NT5C2: variants seen among roughly 807,000 people sequenced by gnomAD.
NT5C2 encodes 5'-nucleotidase, cytosolic II, also known as cytosolic purine 5'-nucleotidase.
Under a neutral mutation model 76.1 loss-of-function variants are expected in NT5C2, and 58 were observed. That is an observed-to-expected ratio of 0.76 (90% CI 0.62 to 0.95). The LOEUF (loss-of-function observed/expected upper bound fraction) is 0.95, where lower values mean the gene tolerates loss of function less well. Ranked by LOEUF, NT5C2 falls within the 40% of genes least tolerant of loss-of-function variation. The pLI, the probability that NT5C2 is intolerant of heterozygous loss-of-function variation, is 0.00. For synonymous variants in NT5C2, 229 were observed against 237.4 expected (o/e 0.96, Z 0.32); for missense variants, 478 against 690.3 (o/e 0.69, Z 3.45).
intron 2 of NT5C2, among the ~76,000 whole-genome samples, chr10:103,180,698 G>C (rs1348153835): frequency 1.3e-5 from 2 of 152,050 alleles, no homozygotes; most frequent in Non-Finnish European, 2.9e-5. Context: ...ACTCCAGCCT[G>C]GGCGACAGAG....
At chr10:103,143,547 C>G (rs1367944728) in intron 3 of NT5C2, among the ~76,000 whole-genome samples, 3 of 151,576 alleles carry the variant, frequency 2.0e-5, no homozygotes, top group African/African-American at 7.3e-5. Context: ...CCTCCTACCT[C>G]AGCCTCAGCC....
At chr10:103,111,501 G>A (rs1279239217) in intron 4 of NT5C2, among the ~76,000 whole-genome samples, 1 of 152,076 alleles carries the variant, frequency 6.6e-6, no homozygotes. Context: ...ATGTTTTCAG[G>A]ATGAAAGTTG....
chr10:103,114,268 A>C (rs995109765), intron 4 of NT5C2, among the ~76,000 whole-genome samples: 21 of 152,124 alleles, frequency 1.4e-4, no homozygotes, highest in East Asian at 1.9e-4. Context: ...ACAACAACAA[A>C]AAAAATTAGC....
chr10:103,158,028 G>A (rs2083832807), intron 3 of NT5C2, among the ~76,000 whole-genome samples: 1 of 151,602 alleles, frequency 6.6e-6, no homozygotes, highest in Non-Finnish European at 1.5e-5. Context: ...AGCCAGGATC[G>A]TGCCACTGCA....
At chr10:103,096,067 A>G (rs1305592713) in intron 11 of NT5C2, 87 bp from the exon 12 acceptor site, 1 of 1,011,718 alleles carries the variant, frequency 9.9e-7, no homozygotes, top group Non-Finnish European at 1.6e-6. Flanking sequence ...TTCACAAAAC[A>G]TGTCTTTTTC....
rs372206991 is a variant in NT5C2 at position 103,090,801 on chromosome 10, C to G, written c.1273-14G>C. ...ATGAGTTACTTTCTAAAACAAAGAA[C>G]AAGATTGATTCTTGGCTCATTCAAC... is the stretch of plus-strand genomic sequence containing the variant. On this transcript the variant is annotated splice_polypyrimidine_tract_variant and intron_variant, in intron 17 of 18. Coordinates refer to ENST00000404739, the MANE Select transcript of NT5C2 (RefSeq NM_001351169.2). 3.7e-6 allele frequency: 6 copies of G among 1,613,072 alleles called. No homozygotes were observed. The African/African-American group carries it at 8.0e-5, about 22-fold the overall frequency.
intron 3 of NT5C2, among the ~76,000 whole-genome samples, chr10:103,146,800 G>C (rs1265297675): frequency 6.6e-6 from 1 of 152,228 alleles, no homozygotes; most frequent in South Asian, 2.1e-4. Context: ...AACATGTCCA[G>C]GTCCTCATTA....
intron 3 of NT5C2, among the ~76,000 whole-genome samples, chr10:103,167,514 A>G (rs1291486328): frequency 6.6e-6 from 1 of 152,210 alleles, no homozygotes; most frequent in Non-Finnish European, 1.5e-5. Flanking sequence ...CATTCATATG[A>G]TATCCATAAG....
chr10:103,148,878 G>A, intron 3 of NT5C2, among the ~76,000 whole-genome samples: 1 of 152,174 alleles, frequency 6.6e-6, no homozygotes, highest in South Asian at 2.1e-4. Flanking sequence ...GTAAGAAAAG[G>A]GGGGAAATTC....
At chr10:103,173,895 A>AGAC (rs2089036786) in intron 3 of NT5C2, among the ~76,000 whole-genome samples, 1 of 152,092 alleles carries the variant, frequency 6.6e-6, no homozygotes, top group South Asian at 2.1e-4. Context: ...CAGGAGTTCA[A>AGAC]GACCAGCCTG....
chr10:103,101,428 T>C (rs1246031040), intron 6 of NT5C2, 102 bp from the exon 7 acceptor site: 5 of 657,932 alleles, frequency 7.6e-6, no homozygotes, highest in Non-Finnish European at 1.3e-5. Context: ...GATGGCTATG[T>C]GCAAGACAGA....
chr10:103,093,001 AG>A lies in NT5C2; in HGVS notation c.1159+137del, dbSNP rs138022979. The stretch of plus-strand genomic sequence containing the variant: ...TGAAATATCTGAATATTCTATGGGA[AG>A]GAAGTATCCAAATATCAAGGCCTGC... On this transcript the variant is annotated intron_variant, in intron 15 of 18. Coordinates refer to ENST00000404739, the MANE Select transcript of NT5C2 (RefSeq NM_001351169.2). The A allele has an allele frequency of 0.024, 13,131 of 555,954 alleles. 299 individuals carry two copies. Among genetic ancestry groups the A allele is most frequent in the South Asian group, 0.11 (2,623 of 23,838 alleles). The allele number at this position is 555,954 out of a possible 1,614,324, so 34.4% of individuals were successfully genotyped here. A position where few individuals can be genotyped will look rare whatever the true frequency, so the allele number is the denominator to read the frequency against.
At chr10:103,120,099 A>G (rs2148199) in intron 4 of NT5C2, among the ~76,000 whole-genome samples, 3,479 of 121,548 alleles carry the variant, frequency 0.029, 83 homozygotes, top group South Asian at 0.17. Flanking sequence ...ACCCTGTTTC[A>G]AAAAAAAAAA....
intron 3 of NT5C2, among the ~76,000 whole-genome samples, chr10:103,164,224 G>C (rs1158484423): frequency 1.3e-5 from 2 of 152,028 alleles, no homozygotes; most frequent in East Asian, 3.9e-4. Context: ...CTCCATCCTG[G>C]GCAACAGTGA....
At chr10:103,146,263 C>T (rs1427679782) in intron 3 of NT5C2, 2 of 985,296 alleles carry the variant, frequency 2.0e-6, no homozygotes, top group African/African-American at 3.5e-5. Context: ...TGTTGCTCCA[C>T]ACAAATCCAT....
chr10:103,090,468 T>C (rs1590589826), intron 18 of NT5C2, 143 bp downstream of exon 18: 1 of 663,672 alleles, frequency 1.5e-6, no homozygotes, highest in Non-Finnish European at 2.5e-6. Flanking sequence ...CAAAGACCCC[T>C]TCTTATGCAA....
rs549182855 is a variant in NT5C2, at chr10:103,104,920, C to T, written c.389+786G>A. On this transcript the variant is annotated intron_variant, in intron 6 of 18. Transcript: ENST00000404739. ...TGACACACATCCTATTCTGGTTTTA[C>T]GAGCTGTTGTTCTGACCTTAATACA... Among the ~76,000 whole-genome samples, 3 of 152,272 alleles carry T rather than the reference C, an allele frequency of 2.0e-5. No individual in the cohort carries two copies. The East Asian group carries it at 5.8e-4, about 29-fold the overall frequency.
At chr10:103,090,873 A>G in intron 17 of NT5C2, 63 bp downstream of exon 17, 1 of 1,598,988 alleles carries the variant, frequency 6.3e-7, no homozygotes, top group Non-Finnish European at 8.6e-7. Flanking sequence ...ATAATAAATC[A>G]GGAATGTGAA....
intron 11 of NT5C2, 90 bp from the exon 12 acceptor site, chr10:103,096,070 T>A: frequency 1.0e-6 from 1 of 984,856 alleles, no homozygotes. Flanking sequence ...ACAAAACATG[T>A]CTTTTTCAAC....
Sources: allele counts gnomAD v4.1 joint callset (sites outside exome capture counted in the v4.1 genomes callset), GRCh38; gene constraint gnomAD v4.1.1; transcripts MANE v1.5; gene names NCBI Gene and HGNC (gene_info 2026-07-23, HGNC 2026-07-21).